CSMD1: variants seen among roughly 807,000 people sequenced by gnomAD.
The protein encoded by CSMD1 is CUB and Sushi multiple domains 1.
A neutral mutation model predicts 417.5 loss-of-function variants in CSMD1; 213 were observed. The observed-to-expected ratio is 0.51, with a 90% CI of 0.46 to 0.57. The LOEUF (loss-of-function observed/expected upper bound fraction) is 0.57, where lower values mean the gene tolerates loss of function less well. Among genes scored for constraint, CSMD1 ranks in the 20% least tolerant of loss-of-function variants. The pLI is 0.00. For missense variants in CSMD1, 6,923 were observed against 4,529.7 expected (o/e 1.53, Z -15.17); for synonymous variants, 2,862 against 1,736.8 (o/e 1.65, Z -16.11).
At position 4,428,920 on chromosome 8, in the gene CSMD1, G is replaced by A. The variant is rs144224849; in HGVS notation, c.303-8855C>T. Among the ~76,000 whole-genome samples the A allele has an allele frequency of 4.7e-3, 710 of 151,988 alleles. 6 individuals are homozygous for A. The highest frequency in any genetic ancestry group is 0.017 in the African/African-American group (686 of 41,456). ...AACAGAGACAGGGTTTCACCATTTG[G>A]CCAGGCTGGTCTCAGATTCCTGACT... On this transcript the variant is annotated intron_variant, in intron 2 of 69. Transcript: ENST00000635120.
intron 1 of CSMD1, among the ~76,000 whole-genome samples, chr8:4,666,615 G>C (rs2130934706): frequency 6.6e-6 from 1 of 152,234 alleles, no homozygotes; most frequent in African/African-American, 2.4e-5. Context: ...CAATAATATT[G>C]TGGTAACTTA....
intron 2 of CSMD1, among the ~76,000 whole-genome samples, chr8:4,563,547 T>C (rs958603736): frequency 6.6e-6 from 1 of 152,156 alleles, no homozygotes; most frequent in Non-Finnish European, 1.5e-5. Flanking sequence ...TCACCACACA[T>C]CCTCACTCCA....
chr8:3,500,895 A>G (rs537630902), intron 10 of CSMD1, among the ~76,000 whole-genome samples: 7 of 152,208 alleles, frequency 4.6e-5, no homozygotes, highest in Non-Finnish European at 8.8e-5. Context: ...GAAGAGAAGT[A>G]AGAATGTGTC....
rs189515226 is a variant in CSMD1 at position 3,931,657 on chromosome 8, A to G, written c.818+66246T>C. 6.0e-5 allele frequency among the ~76,000 whole-genome samples: 9 copies of G among 149,830 alleles called. 1 individual carries two copies. The East Asian group carries it at 1.6e-3, about 26-fold the overall frequency. Reference sequence around the variant, plus strand: ...GCCTCAGGATGTCTTTTCACCTTGTATAGTTCTAAAAAACAAACAAACAAA... The same window carrying G: ...GCCTCAGGATGTCTTTTCACCTTGTGTAGTTCTAAAAAACAAACAAACAAA... On this transcript the variant is annotated intron_variant, in intron 5 of 69. Coordinates refer to ENST00000635120, the MANE Select transcript of CSMD1 (RefSeq NM_033225.6).
At chr8:4,847,510 G>C (rs759914205) in intron 1 of CSMD1, among the ~76,000 whole-genome samples, 1 of 151,996 alleles carries the variant, frequency 6.6e-6, no homozygotes, top group Non-Finnish European at 1.5e-5. Flanking sequence ...TGTTAAATTA[G>C]TGTCATACAC....
intron 10 of CSMD1, among the ~76,000 whole-genome samples, chr8:3,500,002 G>A (rs1400979273): frequency 6.6e-6 from 1 of 152,038 alleles, no homozygotes; most frequent in Non-Finnish European, 1.5e-5. Context: ...GAGGCCTGTG[G>A]GGGCTTTTCT....
chr8:4,595,243 A>C (rs533054898), intron 2 of CSMD1, among the ~76,000 whole-genome samples: 1 of 152,148 alleles, frequency 6.6e-6, no homozygotes, highest in Non-Finnish European at 1.5e-5. Context: ...AGTTGGCTAT[A>C]ACTCTGTAAT....
intron 68 of CSMD1, among the ~76,000 whole-genome samples, chr8:2,943,265 T>C (rs1802014217): frequency 1.3e-5 from 2 of 151,990 alleles, no homozygotes; most frequent in Non-Finnish European, 2.9e-5. Context: ...TCTCACCCTG[T>C]TGCCCAGGCT....
At chr8:3,421,022 G>T (rs1187925206) in intron 12 of CSMD1, among the ~76,000 whole-genome samples, 2 of 152,004 alleles carry the variant, frequency 1.3e-5, no homozygotes, top group African/African-American at 4.8e-5. Flanking sequence ...GACACTAAAA[G>T]CTGTGTAAAG....
chr8:4,216,289 T>C (rs1157965142), intron 3 of CSMD1, among the ~76,000 whole-genome samples: 1 of 152,122 alleles, frequency 6.6e-6, no homozygotes, highest in East Asian at 1.9e-4. Context: ...CTCCCTGTGG[T>C]TGCCTAGTCA....
Position 4,143,577 on chromosome 8 carries a change from T to A in CSMD1, c.416-111478A>T, listed in dbSNP as rs528928523. 3.6e-4 allele frequency among the ~76,000 whole-genome samples: 54 copies of A among 151,116 alleles called. 2 individuals carry two copies. The South Asian group carries it at 9.7e-3, about 27-fold the overall frequency. Reference sequence around the variant, plus strand: ...GTAAGGCTTAGATATGACCCACAGTTGTCAACCCCTTTAACTAGTTGTGAT... The same window carrying A: ...GTAAGGCTTAGATATGACCCACAGTAGTCAACCCCTTTAACTAGTTGTGAT... On this transcript the variant is annotated intron_variant, in intron 3 of 69. Coordinates refer to ENST00000635120, the MANE Select transcript of CSMD1 (RefSeq NM_033225.6).
At chr8:4,277,476 C>G (rs1238591326) in intron 3 of CSMD1, among the ~76,000 whole-genome samples, 1 of 152,060 alleles carries the variant, frequency 6.6e-6, no homozygotes, top group Non-Finnish European at 1.5e-5. Context: ...AATGTACCGT[C>G]TTAAAAAAGC....
chr8:4,147,673 A>G (rs1264903779), intron 3 of CSMD1, among the ~76,000 whole-genome samples: 1 of 152,144 alleles, frequency 6.6e-6, no homozygotes, highest in Admixed American at 6.5e-5. Context: ...TGGGAACCCC[A>G]TTCTTTGAAA....
At chr8:3,462,818 G>C (rs966457486) in intron 12 of CSMD1, among the ~76,000 whole-genome samples, 2 of 152,150 alleles carry the variant, frequency 1.3e-5, no homozygotes, top group South Asian at 2.1e-4. Context: ...ACCTGATGTG[G>C]TCTGACTGTT....
intron 8 of CSMD1, among the ~76,000 whole-genome samples, chr8:3,606,324 C>A (rs1218434175): frequency 6.6e-6 from 1 of 152,216 alleles, no homozygotes; most frequent in South Asian, 2.1e-4. Flanking sequence ...TGATACACAG[C>A]TGGGCTTCAT....
chr8:3,786,832 G>A (rs1448531067), intron 5 of CSMD1, among the ~76,000 whole-genome samples: 1 of 152,086 alleles, frequency 6.6e-6, no homozygotes, highest in South Asian at 2.1e-4. Flanking sequence ...ATCTCTACTG[G>A]CTCTTGTTAT....
intron 12 of CSMD1, among the ~76,000 whole-genome samples, chr8:3,435,971 C>A (rs185480900): frequency 2.3e-4 from 35 of 152,294 alleles, no homozygotes; most frequent in African/African-American, 7.2e-4. Context: ...TTTCACTTTG[C>A]AACTTTGTAT....
At chr8:3,860,953 C>G (rs1241118389) in intron 5 of CSMD1, among the ~76,000 whole-genome samples, 2 of 152,180 alleles carry the variant, frequency 1.3e-5, no homozygotes, top group African/African-American at 4.8e-5. Context: ...AGTTGATATA[C>G]TTCATGCAAA....
intron 1 of CSMD1, among the ~76,000 whole-genome samples, chr8:4,808,280 A>C (rs1169127055): frequency 1.3e-5 from 2 of 152,184 alleles, no homozygotes; most frequent in African/African-American, 4.8e-5. Flanking sequence ...GCTGGTTGAA[A>C]AAGGGTGCTA....
Sources: allele counts gnomAD v4.1 joint callset (sites outside exome capture counted in the v4.1 genomes callset), GRCh38; gene constraint gnomAD v4.1.1; transcripts MANE v1.5; gene names NCBI Gene and HGNC (gene_info 2026-07-23, HGNC 2026-07-21).